Variants in LETM2 observed in about 807,000 individuals in gnomAD.
LETM2 encodes the protein leucine zipper and EF-hand containing transmembrane protein 2, also known as LETM1 domain-containing protein LETM2, mitochondrial.
In LETM2, 58 loss-of-function variants were observed where a neutral mutation model predicts 59.6. The observed-to-expected ratio is 0.97, with a 90% CI of 0.79 to 1.21. The LOEUF is 1.21. Ranked by LOEUF, LETM2 falls within the 50% of genes most tolerant of loss-of-function variation. LETM2 has a pLI of 0.00. For synonymous variants in LETM2, 199 were observed against 214.1 expected (o/e 0.93, Z 0.62); for missense variants, 572 against 575.7 (o/e 0.99, Z 0.07).
chr8:38,408,224 A>C lies in LETM2; in HGVS notation c.1426A>C (p.Lys476Gln). ...TTTTTACGCCTAGACACTCCAGGCC[A>C]AATCACAAATGACGGCCCAGAACAG... ...TSSEEPTLQAKSQMTAQNSKA... is the reference protein window; with the variant it reads ...TSSEEPTLQAQSQMTAQNSKA... Residue 476 changes from lysine to glutamine, a missense_variant, in exon 11 of 11, where the codon AAA becomes CAA. Lys to Gln is a moderately conservative substitution (Grantham distance 53). Coordinates refer to ENST00000379957, the MANE Select transcript of LETM2 (RefSeq NM_001286819.2). 6.2e-7 allele frequency: 1 copy of C among 1,612,994 alleles called. No homozygotes were observed. The highest frequency in any genetic ancestry group is 1.1e-5 in the South Asian group (1 of 90,614).
At position 38,408,319 on chromosome 8, in the gene LETM2, T is replaced by G. The variant is rs1813906914; in HGVS notation, c.*45T>G. 6.5e-7 allele frequency: 1 copy of G among 1,527,950 alleles called. No individual in the cohort carries two copies. The highest frequency in any genetic ancestry group is 1.4e-5 in the African/African-American group (1 of 73,274). The allele number at this position is 1,527,950 out of a possible 1,614,324, so 94.6% of individuals were successfully genotyped here. ...GCTCACTCTCTTCAGCTTCCGGCCC[T>G]CAACAGTGGCATCTGTAAAGGACCT... On this transcript the variant is annotated 3_prime_UTR_variant, in exon 11 of 11. Coordinates refer to ENST00000379957, the MANE Select transcript of LETM2 (RefSeq NM_001286819.2).
At chr8:38,398,229 T>C (rs1812846590) in intron 4 of LETM2, among the ~76,000 whole-genome samples, 1 of 152,170 alleles carries the variant, frequency 6.6e-6, no homozygotes, top group African/African-American at 2.4e-5. Context: ...TGGCAATGTT[T>C]TAATTTGCTT....
At chr8:38,394,411 C>A (rs1812525979) in intron 4 of LETM2, 170 bp downstream of exon 4, 2 of 442,004 alleles carry the variant, frequency 4.5e-6, no homozygotes, top group East Asian at 3.3e-5. Flanking sequence ...TTAAAAAAAC[C>A]AATATTGACA....
At chr8:38,385,568 A>G (rs1365895956), upstream of LETM2, among the ~76,000 whole-genome samples, 1 of 150,802 alleles carries the variant, frequency 6.6e-6, no homozygotes, top group Non-Finnish European at 1.5e-5. Flanking sequence ...TAATTTTTGT[A>G]TTTTTTTTTA....
intron 4 of LETM2, 56 bp from the exon 5 acceptor site, chr8:38,400,216 A>G: frequency 1.4e-6 from 2 of 1,404,024 alleles, no homozygotes; most frequent in East Asian, 4.6e-5. Context: ...TCCCATCTTT[A>G]TCTACCAATT....
At chr8:38,385,390 A>AG (rs1216854010), upstream of LETM2, among the ~76,000 whole-genome samples, 1 of 152,142 alleles carries the variant, frequency 6.6e-6, no homozygotes, top group Non-Finnish European at 1.5e-5. Flanking sequence ...AGAGCCACTA[A>AG]GAAAAAAAAA....
chr8:38,394,046 T>C, intron 3 of LETM2, 52 bp from the exon 4 acceptor site: 1 of 1,321,810 alleles, frequency 7.6e-7, no homozygotes. Flanking sequence ...TTCATTTTTG[T>C]TTTTGGCATG....
At chr8:38,406,144 C>T (rs924331656) in intron 8 of LETM2, among the ~76,000 whole-genome samples, 1 of 152,106 alleles carries the variant, frequency 6.6e-6, no homozygotes, top group East Asian at 1.9e-4. Flanking sequence ...ATTCTATCAC[C>T]ACTCCCATTC....
intron 10 of LETM2, 49 bp downstream of exon 10, chr8:38,407,512 A>T: frequency 8.1e-7 from 1 of 1,233,422 alleles, no homozygotes; most frequent in Middle Eastern, 1.9e-4. Flanking sequence ...CTTTCCCTCT[A>T]GTTATCTTTA....
chr8:38,400,178 A>T (rs1813069424), intron 4 of LETM2, 94 bp from the exon 5 acceptor site: 1 of 935,504 alleles, frequency 1.1e-6, no homozygotes, highest in South Asian at 1.7e-5. Context: ...TGTAGGGATG[A>T]GCAATAACAA....
In LETM2 at chr8:38,408,130, TAAGAA is replaced by T. The variant is rs1813881327; in HGVS notation, c.1414-79_1414-75del. ...TTGACTTTGTGGTCACTATTTTGATTAAGAAAACAAAAATAGCATTCACTCCTTAA... is the reference window on the plus strand; with the variant it reads ...TTGACTTTGTGGTCACTATTTTGATTAACAAAAATAGCATTCACTCCTTAA... On this transcript the variant is annotated intron_variant, in intron 10 of 10. Coordinates refer to ENST00000379957, the MANE Select transcript of LETM2 (RefSeq NM_001286819.2). The T allele has an allele frequency of 4.9e-6, 5 of 1,027,834 alleles. No homozygotes were observed. The South Asian group carries it at 7.2e-5, about 15-fold the overall frequency. 63.7% of individuals were successfully genotyped at this position (1,027,834 alleles called of 1,614,324 possible). A position where few individuals can be genotyped will look rare whatever the true frequency, so the allele number is the denominator to read the frequency against.
chr8:38,388,930 T>C (rs1811992516), intron 2 of LETM2, among the ~76,000 whole-genome samples: 2 of 151,772 alleles, frequency 1.3e-5, no homozygotes, highest in South Asian at 4.1e-4. Context: ...CATGTCCCAC[T>C]AATTTTTGTA....
intron 2 of LETM2, 119 bp from the exon 3 acceptor site, chr8:38,392,423 A>G: frequency 1.4e-6 from 1 of 733,094 alleles, no homozygotes; most frequent in Non-Finnish European, 2.3e-6. Flanking sequence ...GGAAAAAAAA[A>G]AAAGCTGTTT....
Position 38,400,915 on chromosome 8 carries a change from C to G in LETM2, c.846C>G (p.Asp282Glu). ...EIVRFSKLFE[D>E]QLALEHLDRP... ...TTCGCTTCTCCAAACTATTTGAGGA[C>G]CAGCTGGCCCTGGAACACTTAGATC... The change falls in exon 6 of 11, where the codon GAC becomes GAG. Residue 282 changes from aspartate (D) to glutamate (E), a missense_variant. Transcript: ENST00000379957. 1 of 1,614,158 alleles carries G rather than the reference C, an allele frequency of 6.2e-7. No homozygotes were observed. Among genetic ancestry groups the G allele is most frequent in the South Asian group, 1.1e-5 (1 of 91,088 alleles).
rs556502339 is a variant in LETM2 at position 38,408,507 on chromosome 8, C to G, written c.*233C>G. ...AGTCCCATTTCCTCTGTACCATTGTCACCCCACTCAACTTTGTATAAAGCC... is the reference window on the plus strand; with the variant it reads ...AGTCCCATTTCCTCTGTACCATTGTGACCCCACTCAACTTTGTATAAAGCC... On this transcript the variant is annotated 3_prime_UTR_variant, in exon 11 of 11. Coordinates refer to ENST00000379957, the MANE Select transcript of LETM2 (RefSeq NM_001286819.2). 7 of 444,862 alleles carry G rather than the reference C, an allele frequency of 1.6e-5. No individual in the cohort carries two copies. The highest frequency in any genetic ancestry group is 1.4e-4 in the African/African-American group (7 of 50,112). 27.6% of individuals were successfully genotyped at this position (444,862 alleles called of 1,614,324 possible).
chr8:38,389,041 A>C (rs908301508), intron 2 of LETM2, among the ~76,000 whole-genome samples: 1 of 151,322 alleles, frequency 6.6e-6, no homozygotes, highest in Admixed American at 6.6e-5. Flanking sequence ...GCTGGGATTA[A>C]AGGCGTGAGC....
intron 2 of LETM2, 47 bp downstream of exon 2, chr8:38,388,077 CTTCTTT>C: frequency 9.0e-7 from 1 of 1,112,328 alleles, no homozygotes; most frequent in Middle Eastern, 2.1e-4. Context: ...TCTTCTTCTT[CTTCTTT>C]TTTTTTTTTT....
chr8:38,390,998 T>G (rs1391995725), intron 2 of LETM2, among the ~76,000 whole-genome samples: 1 of 151,704 alleles, frequency 6.6e-6, no homozygotes, highest in Non-Finnish European at 1.5e-5. Context: ...TTTTTTGCTT[T>G]TGTTTTTGGT....
intron 3 of LETM2, chr8:38,393,813 C>A: frequency 3.6e-6 from 1 of 281,618 alleles, no homozygotes; most frequent in East Asian, 6.4e-5. Flanking sequence ...AAAACCCTGC[C>A]TCTTCATTTT....
Sources: allele counts gnomAD v4.1 joint callset (sites outside exome capture counted in the v4.1 genomes callset), GRCh38; gene constraint gnomAD v4.1.1; transcripts MANE v1.5; gene names NCBI Gene and HGNC (gene_info 2026-07-23, HGNC 2026-07-21).